Variants in LRRC37A2 observed in about 807,000 individuals in gnomAD.
The protein encoded by LRRC37A2 is leucine rich repeat containing 37 member A2, also known as leucine-rich repeat-containing protein 37A2.
Under a neutral mutation model 68.8 loss-of-function variants are expected in LRRC37A2, and 9 were observed. That is an observed-to-expected ratio of 0.13 (90% CI 0.08 to 0.23). The LOEUF is 0.23. Ranked by LOEUF, LRRC37A2 falls within the 10% of genes least tolerant of loss-of-function variation. LRRC37A2 has a pLI of 1.00. For missense variants in LRRC37A2, 168 were observed against 950.4 expected (o/e 0.18, Z 10.82); for synonymous variants, 63 against 367.6 (o/e 0.17, Z 9.48).
At chr17:46,727,751 A>G in the LRRC37A2 span, among the ~76,000 whole-genome samples, 1 of 152,148 alleles carries the variant, frequency 6.6e-6, no homozygotes, top group Non-Finnish European at 1.5e-5. Context: ...ATCTTAACAC[A>G]ATTGAGGTGT....
chr17:46,944,158 A>G, the LRRC37A2 span, among the ~76,000 whole-genome samples: 2 of 152,198 alleles, frequency 1.3e-5, no homozygotes, highest in South Asian at 4.1e-4. Context: ...GGGGACATTC[A>G]TCTTTATTCC....
the LRRC37A2 span, among the ~76,000 whole-genome samples, chr17:46,787,467 G>C: frequency 8.5e-5 from 13 of 152,204 alleles, no homozygotes; most frequent in African/African-American, 3.1e-4. Flanking sequence ...TAAGGCCCAG[G>C]GAAGCGATGT....
the LRRC37A2 span, chr17:46,940,288 G>C: frequency 6.3e-6 from 9 of 1,436,256 alleles, no homozygotes; most frequent in Non-Finnish European, 8.2e-6. Context: ...CTACCCCTCC[G>C]GGCCAAATGG....
chr17:46,904,593 T>C, the LRRC37A2 span, among the ~76,000 whole-genome samples: 4 of 151,882 alleles, frequency 2.6e-5, no homozygotes, highest in African/African-American at 9.7e-5. Flanking sequence ...GATGGGAAGA[T>C]GTGCAGGTGA....
the LRRC37A2 span, among the ~76,000 whole-genome samples, chr17:46,813,287 A>C: frequency 6.6e-6 from 1 of 151,774 alleles, no homozygotes; most frequent in African/African-American, 2.4e-5. Context: ...TGAAGCCCAG[A>C]AGGAGGCAGG....
chr17:46,892,074 A>G, the LRRC37A2 span, among the ~76,000 whole-genome samples: 2 of 151,594 alleles, frequency 1.3e-5, no homozygotes, highest in African/African-American at 4.8e-5. Flanking sequence ...GTCCACCACC[A>G]TGTCCAGCTA....
the LRRC37A2 span, among the ~76,000 whole-genome samples, chr17:46,718,260 C>T: frequency 6.6e-6 from 1 of 152,126 alleles, no homozygotes; most frequent in Admixed American, 6.5e-5. Context: ...TGTCATGCCA[C>T]AGACTGGCCC....
the LRRC37A2 span, among the ~76,000 whole-genome samples, chr17:46,774,134 T>C: frequency 6.6e-6 from 1 of 152,308 alleles, no homozygotes; most frequent in African/African-American, 2.4e-5. Flanking sequence ...TGCAGGGGGA[T>C]GGGACCGCAG....
chr17:46,940,877 C>T, the LRRC37A2 span: 1 of 1,409,880 alleles, frequency 7.1e-7, no homozygotes, highest in Non-Finnish European at 9.2e-7. Context: ...TGCATGTTGT[C>T]ACATGACCAC....
the LRRC37A2 span, among the ~76,000 whole-genome samples, chr17:46,739,450 A>G: frequency 2.1e-4 from 32 of 149,462 alleles, no homozygotes; most frequent in African/African-American, 7.4e-4. Flanking sequence ...GAAGTGGGAG[A>G]ATCACCTGAG....
chr17:46,762,289 T>C, the LRRC37A2 span, among the ~76,000 whole-genome samples: 575 of 152,352 alleles, frequency 3.8e-3, 3 homozygotes, highest in Middle Eastern at 0.024. Flanking sequence ...TGGAAATTCA[T>C]TGTTAGAAGT....
the LRRC37A2 span, among the ~76,000 whole-genome samples, chr17:46,707,292 A>G: frequency 6.6e-6 from 1 of 152,152 alleles, no homozygotes; most frequent in South Asian, 2.1e-4. Context: ...ATAGTGTCCA[A>G]GTCTTTTGCC....
chr17:46,535,099 G>A (rs62073323), intron 6 of LRRC37A2, among the ~76,000 whole-genome samples: 13,229 of 137,350 alleles, frequency 0.096, no homozygotes, highest in Middle Eastern at 0.17. Context: ...TTACTCTATT[G>A]CCAGTGCTGG....
At chr17:47,019,605 G>C in the LRRC37A2 span, 2 of 1,452,396 alleles carry the variant, frequency 1.4e-6, no homozygotes, top group African/African-American at 2.8e-5. Flanking sequence ...GGATTCATTG[G>C]TGCAGTCTGA....
chr17:47,017,242 G>A, the LRRC37A2 span: 8 of 1,611,678 alleles, frequency 5.0e-6, no homozygotes, highest in African/African-American at 1.3e-5. Flanking sequence ...TCCCGGCTGC[G>A]TTTCTGGGGC....
chr17:46,392,409 TTCTC>T, the LRRC37A2 span, among the ~76,000 whole-genome samples: 31 of 49,442 alleles, frequency 6.3e-4, no homozygotes, highest in African/African-American at 8.2e-4. Flanking sequence ...CTTTCTTTCT[TTCTC>T]TCTCTCTCTT....
At chr17:46,882,246 C>T in the LRRC37A2 span, among the ~76,000 whole-genome samples, 3 of 152,340 alleles carry the variant, frequency 2.0e-5, no homozygotes, top group South Asian at 2.1e-4. Context: ...TTTCATGTCT[C>T]TCCAGCTCCC....
At chr17:46,978,658 AGGATG>A in the LRRC37A2 span, 1 of 1,606,734 alleles carries the variant, frequency 6.2e-7, no homozygotes, top group Non-Finnish European at 8.5e-7. Context: ...GTACAGCCCC[AGGATG>A]GCTGCGCCCA....
chr17:46,909,182 CA>C, the LRRC37A2 span, among the ~76,000 whole-genome samples: 1 of 152,162 alleles, frequency 6.6e-6, no homozygotes, highest in South Asian at 2.1e-4. Context: ...TATGCACCAC[CA>C]CCCCTGGCTA....
Sources: gnomAD v4.1 joint callset for allele counts (sites outside exome capture counted in the v4.1 genomes callset) on GRCh38, gnomAD v4.1.1 for gene constraint, MANE v1.5 for transcripts, NCBI Gene and HGNC (gene_info 2026-07-23, HGNC 2026-07-21) for gene names.